The following ANKS1B variants were observed in gnomAD, a reference collection of about 807,000 sequenced individuals.
ANKS1B encodes ankyrin repeat and sterile alpha motif domain-containing protein 1B.
A neutral mutation model predicts 148.3 loss-of-function variants in ANKS1B; 36 were observed. That is an observed-to-expected ratio of 0.24 (90% CI 0.19 to 0.32). ANKS1B has a LOEUF of 0.32. ANKS1B is among the 10% of genes least tolerant of loss of function. ANKS1B has a pLI of 1.00. For missense variants in ANKS1B, 1,157 were observed against 1,542.6 expected, an observed-to-expected ratio of 0.75 and a Z score of 4.19; for synonymous variants, 542 against 560.8, an observed-to-expected ratio of 0.97 and a Z score of 0.47.
chr12:99,710,168 T>C (rs1368422442), intron 8 of ANKS1B, among the ~76,000 whole-genome samples: 1 of 152,150 alleles, frequency 6.6e-6, no homozygotes, highest in African/African-American at 2.4e-5. Context: ...TCTGAGTCAT[T>C]GCTACAATGG....
intron 1 of ANKS1B, among the ~76,000 whole-genome samples, chr12:99,894,599 A>G (rs2093313081): frequency 6.6e-6 from 1 of 150,848 alleles, no homozygotes; most frequent in Non-Finnish European, 1.5e-5. Context: ...TTGGTGCAAA[A>G]GTGAGAGGCC....
chr12:99,551,301 C>A (rs1380470672), intron 9 of ANKS1B, among the ~76,000 whole-genome samples: 4 of 152,098 alleles, frequency 2.6e-5, no homozygotes, highest in African/African-American at 9.7e-5. Context: ...TCATATCATA[C>A]AATAAATCTT....
intron 12 of ANKS1B, among the ~76,000 whole-genome samples, chr12:99,325,375 A>T (rs1354854949): frequency 2.0e-5 from 3 of 152,114 alleles, no homozygotes; most frequent in Non-Finnish European, 1.5e-5. Flanking sequence ...TATGGGGCTA[A>T]TGCCCCAAAG....
At chr12:99,176,353 G>A (rs968826178) in intron 14 of ANKS1B, among the ~76,000 whole-genome samples, 1 of 152,082 alleles carries the variant, frequency 6.6e-6, no homozygotes. Flanking sequence ...ATGAATGCAT[G>A]CTGCTCTAGA....
chr12:99,812,556 CACAGAG>C (rs1233869012), intron 2 of ANKS1B, among the ~76,000 whole-genome samples: 4,076 of 62,824 alleles, frequency 0.065, 83 homozygotes, highest in African/African-American at 0.15. Context: ...CACACACACA[CACAGAG>C]AGAGAGAGAG....
chr12:99,595,930 T>C (rs911173968), intron 9 of ANKS1B, among the ~76,000 whole-genome samples: 2 of 151,890 alleles, frequency 1.3e-5, no homozygotes, highest in East Asian at 1.9e-4. Context: ...GTTTGGTTCA[T>C]TGGCAAATGT....
chr12:99,412,482 G>A (rs2094743988), intron 11 of ANKS1B, among the ~76,000 whole-genome samples: 2 of 152,152 alleles, frequency 1.3e-5, no homozygotes, highest in African/African-American at 2.4e-5. Context: ...CTTCGCAGAG[G>A]TCTAATGAGG....
chr12:99,796,598 T>C (rs982853700), intron 4 of ANKS1B, among the ~76,000 whole-genome samples: 1 of 151,960 alleles, frequency 6.6e-6, no homozygotes, highest in Non-Finnish European at 1.5e-5. Context: ...ACATCCATGT[T>C]GTGTGGGAAA....
At chr12:98,868,047 C>G (rs1292449210) in intron 17 of ANKS1B, among the ~76,000 whole-genome samples, 1 of 152,114 alleles carries the variant, frequency 6.6e-6, no homozygotes, top group African/African-American at 2.4e-5. Flanking sequence ...ACACCACAGT[C>G]CCAAACACCT....
chr12:99,095,563 C>T (rs1304279719), intron 15 of ANKS1B, among the ~76,000 whole-genome samples: 2 of 152,126 alleles, frequency 1.3e-5, no homozygotes, highest in East Asian at 3.8e-4. Context: ...AGGGTTAGTT[C>T]TGCATAAAAA....
At chr12:98,809,431 C>T (rs1441888842) in intron 19 of ANKS1B, among the ~76,000 whole-genome samples, 1 of 152,210 alleles carries the variant, frequency 6.6e-6, no homozygotes, top group Non-Finnish European at 1.5e-5. Flanking sequence ...ATCACATCTT[C>T]TGCAACTTTC....
At chr12:99,378,869 A>G (rs1169626923) in intron 12 of ANKS1B, among the ~76,000 whole-genome samples, 1 of 152,180 alleles carries the variant, frequency 6.6e-6, no homozygotes, top group Non-Finnish European at 1.5e-5. Flanking sequence ...CTCAGAGAGT[A>G]GAACCAAACC....
chr12:98,762,423 A>C (rs1426236801), intron 25 of ANKS1B, among the ~76,000 whole-genome samples: 1 of 152,212 alleles, frequency 6.6e-6, no homozygotes, highest in African/African-American at 2.4e-5. Context: ...CAGAGGCCAG[A>C]CTGCAGGGCT....
intron 14 of ANKS1B, among the ~76,000 whole-genome samples, chr12:99,161,477 C>T (rs1183195855): frequency 6.6e-6 from 1 of 152,094 alleles, no homozygotes; most frequent in Non-Finnish European, 1.5e-5. Context: ...TGCACCACTG[C>T]ACTCCATCCT....
chr12:99,867,926 T>G (rs748662778), intron 1 of ANKS1B, among the ~76,000 whole-genome samples: 5 of 152,126 alleles, frequency 3.3e-5, no homozygotes, highest in Non-Finnish European at 5.9e-5. Context: ...GAACAAAATT[T>G]CAGCAAATCA....
chr12:98,819,938 G>A (rs1202274698), intron 19 of ANKS1B, among the ~76,000 whole-genome samples: 1 of 152,162 alleles, frequency 6.6e-6, no homozygotes, highest in Non-Finnish European at 1.5e-5. Context: ...TGAAGCAATT[G>A]TTTACTATCT....
intron 14 of ANKS1B, among the ~76,000 whole-genome samples, chr12:99,236,350 A>G (rs1360759701): frequency 1.3e-5 from 2 of 152,204 alleles, no homozygotes; most frequent in Non-Finnish European, 2.9e-5. Flanking sequence ...AAGAGGTTTA[A>G]CTGACTCGCA....
chr12:99,971,044 G>A (rs1017590905), intron 1 of ANKS1B, among the ~76,000 whole-genome samples: 3 of 152,018 alleles, frequency 2.0e-5, no homozygotes, highest in Admixed American at 2.0e-4. Context: ...TGTTATCACT[G>A]TTCTTAGTTA....
At chr12:99,639,228 G>A (rs544087277) in intron 9 of ANKS1B, among the ~76,000 whole-genome samples, 1 of 152,316 alleles carries the variant, frequency 6.6e-6, no homozygotes, top group East Asian at 1.9e-4. Flanking sequence ...CACGGGGCCT[G>A]TAGCCCCTTT....
Sources: gnomAD v4.1 joint callset for allele counts (sites outside exome capture counted in the v4.1 genomes callset) on GRCh38, gnomAD v4.1.1 for gene constraint, MANE v1.5 for transcripts, NCBI Gene and HGNC (gene_info 2026-07-23, HGNC 2026-07-21) for gene names.